The following CALD1 variants were observed in gnomAD, a reference collection of about 807,000 sequenced individuals.
The protein encoded by CALD1 is caldesmon.
A neutral mutation model predicts 99.9 loss-of-function variants in CALD1; 33 were observed. That is an observed-to-expected ratio of 0.33 (90% CI 0.25 to 0.44). The LOEUF is 0.44. Ranked by LOEUF, CALD1 falls within the 20% of genes least tolerant of loss-of-function variation. The pLI, the probability that CALD1 is intolerant of heterozygous loss-of-function variation, is 1.00. For missense variants in CALD1, 861 were observed against 962.1 expected (o/e 0.89, Z 1.39); for synonymous variants, 310 against 325.0 (o/e 0.95, Z 0.50).
intron 1 of CALD1, among the ~76,000 whole-genome samples, chr7:134,837,106 A>G (rs1192602659): frequency 8.8e-5 from 1 of 11,356 alleles, no homozygotes; most frequent in Non-Finnish European, 1.5e-4. Flanking sequence ...TTTGCACTCC[A>G]TAAAATTTTA....
upstream of CALD1, chr7:134,779,496 T>C (rs1797019522): frequency 2.6e-6 from 1 of 390,910 alleles, no homozygotes; most frequent in African/African-American, 2.1e-5. Flanking sequence ...GGTGTCGTCA[T>C]TGGCTGCCTA....
chr7:134,739,360 C>G (rs560272998), upstream of CALD1, among the ~76,000 whole-genome samples: 1 of 152,282 alleles, frequency 6.6e-6, no homozygotes, highest in African/African-American at 2.4e-5. Flanking sequence ...GAACCTAGGT[C>G]TTATCACTTC....
intron 1 of CALD1, among the ~76,000 whole-genome samples, chr7:134,765,188 G>A (rs538292892): frequency 1.6e-4 from 24 of 152,034 alleles, no homozygotes; most frequent in Admixed American, 1.1e-3. Context: ...GGTGGTGCAC[G>A]CCTGTAATCC....
At position 134,747,671 on chromosome 7, in the gene CALD1, G is replaced by A. The variant is rs10244654; in HGVS notation, c.-130+3308G>A. Among the ~76,000 whole-genome samples, 757 of 152,312 alleles carry A rather than the reference G, an allele frequency of 5.0e-3. 4 individuals are homozygous for A. The highest frequency in any genetic ancestry group is 0.017 in the African/African-American group (723 of 41,574). The stretch of plus-strand genomic sequence containing the variant: ...TCCCTGCACTCCATGCCTGTGCCCC[G>A]TGGCTGCCCCAGGGCCAGCTTAGGT... On this transcript the variant is annotated intron_variant, in intron 1 of 13. Coordinates refer to the CALD1 transcript ENST00000417172.
intron 3 of CALD1, among the ~76,000 whole-genome samples, chr7:134,873,271 T>C (rs1325034406): frequency 6.6e-6 from 1 of 152,080 alleles, no homozygotes; most frequent in Non-Finnish European, 1.5e-5. Context: ...TTTATTTCAA[T>C]CCCTCTCCTC....
At chr7:134,719,406 A>G in the CALD1 span, among the ~76,000 whole-genome samples, 1 of 152,200 alleles carries the variant, frequency 6.6e-6, no homozygotes, top group Non-Finnish European at 1.5e-5. Context: ...GAGGCTCGCC[A>G]GAGGAACTTG....
Position 134,933,073 on chromosome 7 carries a change from C to G in CALD1, c.304C>G (p.Arg102Gly). The stretch of plus-strand genomic sequence containing the variant: ...GGCCGCATTCCTGGAGCGCCTGGCT[C>G]GGCGTGAGGAAAGACGCCAAAAACG... ...DEAAFLERLA[R>G]REERRQKRLQ... is the part of the protein sequence containing the mutation. Residue 102 changes from arginine to glycine, a missense_variant, in exon 5 of 15, where the codon CGG (arginine) becomes GGG (glycine). By Grantham distance (125) the Arg-to-Gly change is moderately radical. Transcript: ENST00000361675. 2 of 1,613,802 alleles carry G rather than the reference C, an allele frequency of 1.2e-6. No homozygotes were observed. The highest frequency in any genetic ancestry group is 1.7e-6 in the Non-Finnish European group (2 of 1,179,922).
intron 1 of CALD1, among the ~76,000 whole-genome samples, chr7:134,750,807 G>T (rs962726494): frequency 2.0e-5 from 3 of 151,500 alleles, no homozygotes; most frequent in African/African-American, 7.3e-5. Context: ...CTTCTGGTCA[G>T]GTGGCCTATA....
intron 3 of CALD1, among the ~76,000 whole-genome samples, chr7:134,887,158 A>G (rs778552032): frequency 6.6e-6 from 1 of 152,234 alleles, no homozygotes; most frequent in Non-Finnish European, 1.5e-5. Flanking sequence ...GACTAGGATG[A>G]GGAGTAAACT....
chr7:134,808,126 G>C (rs987968388), intron 1 of CALD1, among the ~76,000 whole-genome samples: 2 of 150,082 alleles, frequency 1.3e-5, no homozygotes, highest in Non-Finnish European at 3.0e-5. Flanking sequence ...TTTGAGACAG[G>C]GTCTTACTTT....
intron 7 of CALD1, among the ~76,000 whole-genome samples, chr7:134,946,837 C>A (rs968345291): frequency 6.6e-6 from 1 of 151,810 alleles, no homozygotes; most frequent in South Asian, 2.1e-4. Context: ...CACGCCGCCA[C>A]GCCCGGCTAA....
intron 3 of CALD1, among the ~76,000 whole-genome samples, chr7:134,912,446 C>G (rs1351816851): frequency 6.6e-6 from 1 of 152,184 alleles, no homozygotes; most frequent in African/African-American, 2.4e-5. Context: ...CCCAAGGCAA[C>G]GCTGACACTT....
At chr7:134,873,531 T>C (rs975071406) in intron 3 of CALD1, among the ~76,000 whole-genome samples, 3 of 152,244 alleles carry the variant, frequency 2.0e-5, no homozygotes, top group Non-Finnish European at 4.4e-5. Context: ...AGACATTTTA[T>C]GTGTGTCTAG....
chr7:134,824,755 G>A (rs1048435450), intron 1 of CALD1, among the ~76,000 whole-genome samples: 14 of 152,016 alleles, frequency 9.2e-5, no homozygotes, highest in Admixed American at 2.0e-4. Flanking sequence ...TTGTACATAC[G>A]GAGTTTTCTG....
chr7:134,934,917 A>G (rs1308214975), intron 5 of CALD1, among the ~76,000 whole-genome samples: 1 of 151,952 alleles, frequency 6.6e-6, no homozygotes, highest in Non-Finnish European at 1.5e-5. Context: ...AGGCAAAAAC[A>G]AACCCCTGGA....
chr7:134,845,656 G>A (rs1799822490), intron 2 of CALD1, among the ~76,000 whole-genome samples: 1 of 152,242 alleles, frequency 6.6e-6, no homozygotes, highest in African/African-American at 2.4e-5. Context: ...AAGGTCAGGT[G>A]AGAACCAGAG....
chr7:134,745,423 T>G (rs1472649215), intron 1 of CALD1: 2 of 152,254 alleles, frequency 1.3e-5, no homozygotes, highest in Non-Finnish European at 2.9e-5. Context: ...CAGTTAAGTC[T>G]GCATTCCGCT....
chr7:134,842,956 T>C lies in CALD1; in HGVS notation c.-129-928T>C, dbSNP rs554078167. 1.2e-4 allele frequency among the ~76,000 whole-genome samples: 19 copies of C among 152,324 alleles called. 1 individual carries two copies. In the South Asian group the frequency reaches 3.9e-3, roughly 32 times the overall value. On this transcript the variant is annotated intron_variant, in intron 1 of 14. Transcript: ENST00000361675. Reference sequence around the variant, plus strand: ...TTCTCCTATAGTAAATGTTTTCATATAAAACTCATTTCTCCCCATGCCCGA... The same window carrying C: ...TTCTCCTATAGTAAATGTTTTCATACAAAACTCATTTCTCCCCATGCCCGA...
rs769923030 is a variant in CALD1, at chr7:134,941,222, C to A, written c.1517C>A (p.Thr506Asn). Residue 506 changes from threonine (T) to asparagine (N), a missense_variant, in exon 7 of 15, where the codon ACT becomes AAT. Thr to Asn is a moderately conservative substitution (Grantham distance 65). Coordinates refer to ENST00000361675, the MANE Select transcript of CALD1 (RefSeq NM_033138.4). ...GEFMTHKLKH[T>N]ENTFSRPGGR... is the part of the protein sequence containing the mutation. ...TTCATGACCCACAAACTTAAACATA[C>A]TGAGAATACTTTCAGGTAAGAAGTA... is the stretch of plus-strand genomic sequence containing the variant. The A allele has an allele frequency of 6.2e-7, 1 of 1,601,232 alleles. No homozygotes were observed. Among genetic ancestry groups the A allele is most frequent in the Non-Finnish European group, 8.5e-7 (1 of 1,176,434 alleles).
Sources: allele counts gnomAD v4.1 joint callset (sites outside exome capture counted in the v4.1 genomes callset), GRCh38; gene constraint gnomAD v4.1.1; transcripts MANE v1.5; gene names NCBI Gene and HGNC (gene_info 2026-07-23, HGNC 2026-07-21).